The following DGKI variants were observed in gnomAD, a reference collection of about 807,000 sequenced individuals.
The protein encoded by DGKI is diacylglycerol kinase iota.
In DGKI, 55 loss-of-function variants were observed where a neutral mutation model predicts 147.5. That is an observed-to-expected ratio of 0.37 (90% CI 0.30 to 0.47). The LOEUF (loss-of-function observed/expected upper bound fraction) is 0.47. Among genes scored for constraint, DGKI ranks in the 20% least tolerant of loss-of-function variants. DGKI has a pLI of 1.00. For synonymous variants in DGKI, 469 were observed against 477.1 expected (o/e 0.98, Z 0.22); for missense variants, 1,007 against 1,323.8 (o/e 0.76, Z 3.71).
chr7:137,556,485 T>A (rs889667762), intron 19 of DGKI, among the ~76,000 whole-genome samples: 5 of 152,158 alleles, frequency 3.3e-5, no homozygotes, highest in Admixed American at 1.3e-4. Context: ...ACAGGCCAAG[T>A]GTTAAAACTC....
intron 1 of DGKI, among the ~76,000 whole-genome samples, chr7:137,822,494 GA>G (rs542752409): frequency 1.6e-4 from 25 of 152,162 alleles, no homozygotes; most frequent in Non-Finnish European, 3.1e-4. Context: ...TCTTCTCTGA[GA>G]AAACTAAACA....
At chr7:137,603,396 A>C (rs1395092257) in intron 10 of DGKI, among the ~76,000 whole-genome samples, 1 of 152,216 alleles carries the variant, frequency 6.6e-6, no homozygotes, top group Non-Finnish European at 1.5e-5. Context: ...CTGCCCAGAC[A>C]ATAAGAAAGG....
chr7:137,472,221 A>C (rs1269752666), intron 23 of DGKI, among the ~76,000 whole-genome samples: 1 of 112,848 alleles, frequency 8.9e-6, no homozygotes, highest in Non-Finnish European at 1.6e-5. Context: ...ATATATATGT[A>C]TATATACATA....
chr7:137,408,395 C>T (rs1812040169), intron 29 of DGKI, among the ~76,000 whole-genome samples: 1 of 152,170 alleles, frequency 6.6e-6, no homozygotes. Flanking sequence ...GCAGAAATAG[C>T]TTGGTGACTG....
intron 21 of DGKI, among the ~76,000 whole-genome samples, chr7:137,514,881 T>A (rs1012553557): frequency 5.9e-5 from 9 of 152,192 alleles, no homozygotes; most frequent in Non-Finnish European, 8.8e-5. Flanking sequence ...AGTAGCCAAA[T>A]TTATCTAGAA....
chr7:137,616,101 T>C (rs1165984006), intron 8 of DGKI, among the ~76,000 whole-genome samples: 2 of 152,138 alleles, frequency 1.3e-5, no homozygotes, highest in African/African-American at 4.8e-5. Flanking sequence ...TACAGAAAGA[T>C]AGTGAGGCAG....
intron 1 of DGKI, among the ~76,000 whole-genome samples, chr7:137,755,796 C>T (rs1563183005): frequency 6.7e-6 from 1 of 148,248 alleles, no homozygotes; most frequent in African/African-American, 2.5e-5. Flanking sequence ...ACTGCAATTG[C>T]AAAAAAAAAT....
chr7:137,459,636 G>T lies in DGKI; in HGVS notation c.2735+3853C>A, dbSNP rs925349586. 2.0e-5 allele frequency among the ~76,000 whole-genome samples: 3 copies of T among 151,624 alleles called. 1 individual carries two copies. Among genetic ancestry groups the T allele is most frequent in the African/African-American group, 7.3e-5 (3 of 41,376 alleles). ...ACTACGGGCGCCCGCCACCACGCCC[G>T]GCTAATTTTTTGTATTTTTAGTAGA... On this transcript the variant is annotated intron_variant, in intron 27 of 32. Coordinates refer to ENST00000614521, the MANE Select transcript of DGKI (RefSeq NM_001321708.2).
intron 30 of DGKI, among the ~76,000 whole-genome samples, chr7:137,401,543 A>G (rs1196737595): frequency 6.6e-6 from 1 of 152,032 alleles, no homozygotes; most frequent in African/African-American, 2.4e-5. Context: ...AAATAAAGAT[A>G]ATTGAATTCC....
At chr7:137,550,451 C>T (rs834051) in intron 20 of DGKI, among the ~76,000 whole-genome samples, 16,618 of 152,120 alleles carry the variant, frequency 0.11, 2,042 homozygotes, top group African/African-American at 0.3. Context: ...GCTGGGATTA[C>T]AGGTGTGAGC....
intron 28 of DGKI, among the ~76,000 whole-genome samples, chr7:137,430,501 A>G (rs942055259): frequency 5.9e-5 from 9 of 151,944 alleles, no homozygotes; most frequent in Non-Finnish European, 1.3e-4. Flanking sequence ...ACATGTATAC[A>G]TATGTAACTA....
chr7:137,413,265 CAAAAAAAA>C (rs35856159), intron 28 of DGKI, among the ~76,000 whole-genome samples: 11 of 92,630 alleles, frequency 1.2e-4, no homozygotes, highest in East Asian at 3.5e-4. Flanking sequence ...GACTCCATCT[CAAAAAAAA>C]AAAAAAAAAA....
At chr7:137,411,304 A>G (rs1812154116) in intron 29 of DGKI, among the ~76,000 whole-genome samples, 1 of 152,172 alleles carries the variant, frequency 6.6e-6, no homozygotes, top group African/African-American at 2.4e-5. Flanking sequence ...TAGCTTTAGA[A>G]TATTCATAGA....
chr7:137,648,079 G>T (rs1342466855), intron 5 of DGKI, among the ~76,000 whole-genome samples: 1 of 152,072 alleles, frequency 6.6e-6, no homozygotes, highest in Admixed American at 6.6e-5. Flanking sequence ...ACCAACAAAT[G>T]ATTTCAATGA....
chr7:137,549,578 C>A (rs1259082702), intron 20 of DGKI, among the ~76,000 whole-genome samples: 2 of 152,142 alleles, frequency 1.3e-5, no homozygotes, highest in Non-Finnish European at 2.9e-5. Flanking sequence ...AGAAGACAGG[C>A]AAAGACAGGA....
chr7:137,426,586 T>G (rs1812816300), intron 28 of DGKI, among the ~76,000 whole-genome samples: 1 of 152,178 alleles, frequency 6.6e-6, no homozygotes. Flanking sequence ...AATGCTCCAA[T>G]TAAAAGACAC....
intron 2 of DGKI, among the ~76,000 whole-genome samples, chr7:137,682,354 C>T (rs190802959): frequency 5.9e-5 from 9 of 152,174 alleles, no homozygotes; most frequent in African/African-American, 2.2e-4. Flanking sequence ...AGACTTATTG[C>T]CCAATAGTTG....
At chr7:137,610,044 A>C (rs977853542) in intron 8 of DGKI, among the ~76,000 whole-genome samples, 2 of 150,066 alleles carry the variant, frequency 1.3e-5, no homozygotes, top group Non-Finnish European at 3.0e-5. Flanking sequence ...TCATGTTTTT[A>C]TTTTTCTTTT....
intron 1 of DGKI, among the ~76,000 whole-genome samples, chr7:137,737,087 A>T (rs1795043948): frequency 6.6e-6 from 1 of 151,786 alleles, no homozygotes; most frequent in Non-Finnish European, 1.5e-5. Flanking sequence ...AGCACGAAAT[A>T]TGACAGTGTT....
Sources: allele counts gnomAD v4.1 joint callset (sites outside exome capture counted in the v4.1 genomes callset), GRCh38; gene constraint gnomAD v4.1.1; transcripts MANE v1.5; gene names NCBI Gene and HGNC (gene_info 2026-07-23, HGNC 2026-07-21).